Variants in CDYL observed in about 807,000 individuals in gnomAD.
The protein encoded by CDYL is chromodomain Y like.
Under a neutral mutation model 47.3 loss-of-function variants are expected in CDYL, and 8 were observed. The observed-to-expected ratio is 0.17, with a 90% CI of 0.10 to 0.31. The LOEUF is 0.31. CDYL is among the 10% of genes least tolerant of loss of function. The pLI, the probability that CDYL is intolerant of heterozygous loss-of-function variation, is 1.00. For missense variants in CDYL, 471 were observed against 701.4 expected, an observed-to-expected ratio of 0.67 and a Z score of 3.71; for synonymous variants, 266 against 265.0, an observed-to-expected ratio of 1.00 and a Z score of -0.04.
At chr6:4,750,323 C>T (rs1015579397) in intron 3 of CDYL, among the ~76,000 whole-genome samples, 53 of 152,136 alleles carry the variant, frequency 3.5e-4, no homozygotes, top group African/African-American at 1.1e-3. Context: ...CTGCCTCAGC[C>T]TCCCATGTAG....
intron 1 of CDYL, among the ~76,000 whole-genome samples, chr6:4,787,193 A>G (rs1032603158): frequency 1.3e-5 from 2 of 152,196 alleles, no homozygotes; most frequent in Non-Finnish European, 2.9e-5. Context: ...ACTTAAAGCA[A>G]GAGGCGAGTG....
At chr6:4,841,029 T>TC (rs1760474115) in intron 1 of CDYL, among the ~76,000 whole-genome samples, 1 of 152,176 alleles carries the variant, frequency 6.6e-6, no homozygotes, top group Non-Finnish European at 1.5e-5. Context: ...CAGCTGTGAA[T>TC]CCATCAGGTC....
chr6:4,819,156 C>CTGTGTGTGTGTGTG (rs1261981708), intron 1 of CDYL, among the ~76,000 whole-genome samples: 56 of 131,106 alleles, frequency 4.3e-4, no homozygotes, highest in African/African-American at 2.1e-3. Context: ...CTCTCTCTCT[C>CTGTGTGTGTGTGTG]TCTCTCTGTG....
At chr6:4,872,681 C>T (rs1025644129) in intron 1 of CDYL, among the ~76,000 whole-genome samples, 4 of 152,170 alleles carry the variant, frequency 2.6e-5, no homozygotes, top group Non-Finnish European at 5.9e-5. Context: ...TGCCCAGCCA[C>T]AAAGTTTTTA....
chr6:4,743,369 C>G (rs1757831583), intron 3 of CDYL, among the ~76,000 whole-genome samples: 1 of 152,188 alleles, frequency 6.6e-6, no homozygotes, highest in African/African-American at 2.4e-5. Context: ...CAGGCAGAGT[C>G]TAATCTTTAC....
In CDYL at chr6:4,954,118, A is replaced by G; in HGVS notation, c.*62A>G. On this transcript the variant is annotated 3_prime_UTR_variant, in exon 7 of 7. Transcript: ENST00000397588. ...TGAGCAGGAGAACATCACCGGCTCC[A>G]GTTCCCCTGATCCATTCTCACAGCC... The G allele has an allele frequency of 1.3e-6, 2 of 1,537,742 alleles. No individual in the cohort carries two copies.
chr6:4,897,930 G>A (rs569639951), intron 2 of CDYL, among the ~76,000 whole-genome samples: 1 of 152,070 alleles, frequency 6.6e-6, no homozygotes, highest in South Asian at 2.1e-4. Context: ...GGTGGCAGGT[G>A]CCTGTAGTCC....
In CDYL at chr6:4,874,636, G is replaced by A. The variant is rs117188793; in HGVS notation, c.25-17077G>A. 3.9e-5 allele frequency among the ~76,000 whole-genome samples: 6 copies of A among 152,334 alleles called. No homozygotes were observed. The East Asian group carries it at 1.2e-3, about 29-fold the overall frequency. On this transcript the variant is annotated intron_variant, in intron 1 of 6. Transcript: ENST00000397588. ...CAAATCTTAAGTGTATAGTTGGTGA[G>A]CTTGACAAATGTGTACACCTGTGCA...
chr6:4,774,731 T>A (rs1017275610), upstream of CDYL: 2 of 152,010 alleles, frequency 1.3e-5, no homozygotes. Flanking sequence ...TCGTTTGGAG[T>A]TGGGGTGGGG....
intron 2 of CDYL, chr6:4,724,437 T>C (rs1442166510): frequency 6.6e-6 from 1 of 152,380 alleles, no homozygotes; most frequent in African/African-American, 2.4e-5. Flanking sequence ...TGCAGTACTG[T>C]GCCAAATGTC....
chr6:4,717,115 G>T (rs931717393), intron 2 of CDYL, among the ~76,000 whole-genome samples: 3 of 152,100 alleles, frequency 2.0e-5, no homozygotes, highest in Non-Finnish European at 1.5e-5. Context: ...TAGGATATAA[G>T]GGGTCCAAAG....
chr6:4,765,332 A>G (rs1291077898), intron 3 of CDYL, among the ~76,000 whole-genome samples: 1 of 152,160 alleles, frequency 6.6e-6, no homozygotes, highest in African/African-American at 2.4e-5. Flanking sequence ...CAAAAAAAAA[A>G]AGACAAATAA....
At chr6:4,725,137 G>A (rs11759686) in intron 2 of CDYL, among the ~76,000 whole-genome samples, 4,580 of 152,290 alleles carry the variant, frequency 0.03, 81 homozygotes, top group Non-Finnish European at 0.05. Flanking sequence ...CAGGGTTTGT[G>A]TCTAGCTGAT....
chr6:4,788,622 A>G (rs78770187), intron 1 of CDYL, among the ~76,000 whole-genome samples: 2,988 of 151,962 alleles, frequency 0.02, 101 homozygotes, highest in African/African-American at 0.068. Context: ...GGAACTCTCA[A>G]AGATTGAAAC....
At chr6:4,759,632 A>G (rs1268720141) in intron 3 of CDYL, among the ~76,000 whole-genome samples, 4 of 151,850 alleles carry the variant, frequency 2.6e-5, no homozygotes, top group Non-Finnish European at 4.4e-5. Flanking sequence ...CTGTAATTCC[A>G]TCACTCTGGG....
intron 2 of CDYL, among the ~76,000 whole-genome samples, chr6:4,898,067 A>C (rs1762338672): frequency 6.6e-6 from 1 of 152,062 alleles, no homozygotes; most frequent in Admixed American, 6.5e-5. Context: ...CCACCAAAAA[A>C]AAAATCCAGG....
At chr6:4,918,838 T>C (rs1043160877) in intron 2 of CDYL, among the ~76,000 whole-genome samples, 1 of 152,240 alleles carries the variant, frequency 6.6e-6, no homozygotes, top group Non-Finnish European at 1.5e-5. Flanking sequence ...TTTGGGTTAC[T>C]AAAGACTTTG....
chr6:4,804,861 C>T (rs58825791), intron 1 of CDYL, among the ~76,000 whole-genome samples: 6,919 of 152,244 alleles, frequency 0.045, 532 homozygotes, highest in African/African-American at 0.16. Flanking sequence ...AAAACACAAA[C>T]GTGGAAAATG....
chr6:4,758,351 AATAT>A (rs56250752), intron 3 of CDYL, among the ~76,000 whole-genome samples: 1 of 129,082 alleles, frequency 7.7e-6, no homozygotes, highest in Admixed American at 7.9e-5. Context: ...AAAATAAATA[AATAT>A]ATATATATAT....
Sources: allele counts gnomAD v4.1 joint callset (sites outside exome capture counted in the v4.1 genomes callset), GRCh38; gene constraint gnomAD v4.1.1; transcripts MANE v1.5; gene names NCBI Gene and HGNC (gene_info 2026-07-23, HGNC 2026-07-21).